Variants in NKAIN3 observed in about 807,000 individuals in gnomAD.
NKAIN3 encodes the protein sodium/potassium transporting ATPase interacting 3, also known as sodium/potassium-transporting ATPase subunit beta-1-interacting protein 3.
NKAIN3 carries 25 observed loss-of-function variants against 30.2 expected under a neutral mutation model. The observed-to-expected ratio is 0.83, with a 90% CI of 0.60 to 1.16. NKAIN3 has a LOEUF of 1.16. Ranked by LOEUF, NKAIN3 falls within the 50% of genes most tolerant of loss-of-function variation. The probability of loss-of-function intolerance (pLI) is 0.00; values close to 1 mark genes in which losing one functional copy is unlikely to be tolerated. For synonymous variants in NKAIN3, 91 were observed against 89.6 expected, an observed-to-expected ratio of 1.02 and a Z score of -0.09; for missense variants, 225 against 254.1, an observed-to-expected ratio of 0.89 and a Z score of 0.78.
At chr8:62,415,627 C>T (rs1388246500) in intron 1 of NKAIN3, among the ~76,000 whole-genome samples, 1 of 151,352 alleles carries the variant, frequency 6.6e-6, no homozygotes, top group Non-Finnish European at 1.5e-5. Context: ...TGCATTAAAG[C>T]ACTTGTTGAT....
At chr8:62,396,869 T>C (rs1817782256) in intron 1 of NKAIN3, among the ~76,000 whole-genome samples, 1 of 152,226 alleles carries the variant, frequency 6.6e-6, no homozygotes, top group Admixed American at 6.5e-5. Context: ...GTATTTGTTA[T>C]ACCAAGTGAT....
At chr8:62,297,273 A>G (rs1813862988) in intron 1 of NKAIN3, among the ~76,000 whole-genome samples, 1 of 152,218 alleles carries the variant, frequency 6.6e-6, no homozygotes, top group Non-Finnish European at 1.5e-5. Flanking sequence ...CAAGCACTTC[A>G]TGTCTAAAAC....
chr8:62,524,647 T>TC (rs1272161103), intron 1 of NKAIN3, among the ~76,000 whole-genome samples: 1 of 152,196 alleles, frequency 6.6e-6, no homozygotes, highest in Non-Finnish European at 1.5e-5. Context: ...ATTTGAAATC[T>TC]CTAGGCACAC....
chr8:62,359,821 G>T lies in NKAIN3; in HGVS notation c.54+110694G>T, dbSNP rs527355525. 2.0e-5 allele frequency among the ~76,000 whole-genome samples: 3 copies of T among 152,296 alleles called. 1 individual carries two copies. Among genetic ancestry groups the T allele is most frequent in the African/African-American group, 7.2e-5 (3 of 41,558 alleles). On this transcript the variant is annotated intron_variant, in intron 1 of 6. Transcript: ENST00000623646. ...CTTGTATTGTCTTAAGGGAGGCAAT[G>T]GGAAACATAGTATGTCTTTATTCTA...
At chr8:62,435,555 G>A (rs1003662722) in intron 1 of NKAIN3, among the ~76,000 whole-genome samples, 1 of 152,088 alleles carries the variant, frequency 6.6e-6, no homozygotes, top group Non-Finnish European at 1.5e-5. Flanking sequence ...AAACGAAGGG[G>A]AGTTGTTGCT....
At chr8:62,519,668 T>A (rs1751368400) in intron 1 of NKAIN3, among the ~76,000 whole-genome samples, 1 of 152,184 alleles carries the variant, frequency 6.6e-6, no homozygotes, top group Non-Finnish European at 1.5e-5. Context: ...TGGACAAAGT[T>A]GGTTCTGACA....
chr8:62,680,469 C>G (rs1813614763), intron 3 of NKAIN3, among the ~76,000 whole-genome samples: 1 of 152,110 alleles, frequency 6.6e-6, no homozygotes, highest in Non-Finnish European at 1.5e-5. Context: ...ATAATTGACC[C>G]ATTCATGACT....
intron 1 of NKAIN3, among the ~76,000 whole-genome samples, chr8:62,272,805 A>G (rs1812818356): frequency 6.6e-6 from 1 of 152,014 alleles, no homozygotes; most frequent in South Asian, 2.1e-4. Flanking sequence ...CATAGCTACT[A>G]TTTTTTCCTT....
intron 4 of NKAIN3, 109 bp from the exon 5 acceptor site, chr8:62,918,344 A>G (rs554235061): frequency 8.9e-6 from 7 of 789,370 alleles, no homozygotes; most frequent in Admixed American, 2.5e-5. Context: ...TTCCACTGCA[A>G]ACTCTTAAAA....
At chr8:62,841,955 C>T (rs1402145179) in intron 4 of NKAIN3, among the ~76,000 whole-genome samples, 1 of 152,078 alleles carries the variant, frequency 6.6e-6, no homozygotes, top group African/African-American at 2.4e-5. Context: ...TTCTCTACAT[C>T]CTCTCCAGTG....
chr8:62,579,102 T>G (rs1044811930), intron 1 of NKAIN3, among the ~76,000 whole-genome samples: 3 of 152,046 alleles, frequency 2.0e-5, no homozygotes, highest in African/African-American at 7.2e-5. Flanking sequence ...GATACTCTAC[T>G]TACCCTGCTG....
chr8:62,547,613 A>G (rs1008271636), intron 1 of NKAIN3, among the ~76,000 whole-genome samples: 5 of 152,172 alleles, frequency 3.3e-5, no homozygotes, highest in Non-Finnish European at 5.9e-5. Context: ...ATACTTGTAG[A>G]ATTTCAAGGC....
intron 5 of NKAIN3, among the ~76,000 whole-genome samples, chr8:62,942,180 AT>A (rs1822978452): frequency 6.9e-6 from 1 of 145,114 alleles, no homozygotes; most frequent in African/African-American, 2.6e-5. Context: ...ATATATATAT[AT>A]ATATACACAT....
At chr8:62,536,631 G>A (rs1808673853) in intron 1 of NKAIN3, among the ~76,000 whole-genome samples, 1 of 151,994 alleles carries the variant, frequency 6.6e-6, no homozygotes, top group African/African-American at 2.4e-5. Context: ...CAGGTTTTGA[G>A]ACCATGAGGC....
At chr8:62,290,781 T>G (rs1411972289) in intron 1 of NKAIN3, among the ~76,000 whole-genome samples, 1 of 152,222 alleles carries the variant, frequency 6.6e-6, no homozygotes, top group African/African-American at 2.4e-5. Context: ...ATTCTGCTTT[T>G]TCTATTGATT....
chr8:62,274,153 G>A (rs950604418), intron 1 of NKAIN3, among the ~76,000 whole-genome samples: 17 of 152,198 alleles, frequency 1.1e-4, no homozygotes, highest in Non-Finnish European at 1.9e-4. Context: ...TGAGAAATAA[G>A]TAAGAAGCCT....
intron 3 of NKAIN3, among the ~76,000 whole-genome samples, chr8:62,724,554 C>T (rs1280072555): frequency 1.3e-5 from 2 of 152,134 alleles, no homozygotes; most frequent in Admixed American, 6.6e-5. Flanking sequence ...CCTCTGATAA[C>T]TATCATTCTA....
intron 1 of NKAIN3, among the ~76,000 whole-genome samples, chr8:62,454,398 A>G (rs949061192): frequency 6.6e-6 from 1 of 150,630 alleles, no homozygotes; most frequent in Admixed American, 6.7e-5. Context: ...CCTGGGCCAC[A>G]TGCAGTCTGT....
intron 1 of NKAIN3, among the ~76,000 whole-genome samples, chr8:62,324,229 T>C (rs1815039545): frequency 6.6e-6 from 1 of 152,130 alleles, no homozygotes. Flanking sequence ...AGAGGATATA[T>C]AGGAACTCTG....
Sources: allele counts gnomAD v4.1 joint callset (sites outside exome capture counted in the v4.1 genomes callset), GRCh38; gene constraint gnomAD v4.1.1; transcripts MANE v1.5; gene names NCBI Gene and HGNC (gene_info 2026-07-23, HGNC 2026-07-21).